DGCR2: variants seen among roughly 807,000 people sequenced by gnomAD.
DGCR2 encodes DiGeorge syndrome critical region gene 2.
In DGCR2, 24 loss-of-function variants were observed where a neutral mutation model predicts 51.6. The ratio of observed to expected loss-of-function variants is 0.47; its 90% CI spans 0.34 to 0.65. The LOEUF (loss-of-function observed/expected upper bound fraction) is 0.65. Ranked by LOEUF, DGCR2 falls within the 30% of genes least tolerant of loss-of-function variation. The pLI is 0.01. For missense variants in DGCR2, 765 were observed against 772.1 expected, an observed-to-expected ratio of 0.99 and a Z score of 0.11; for synonymous variants, 340 against 315.4, an observed-to-expected ratio of 1.08 and a Z score of -0.82.
intron 2 of DGCR2, among the ~76,000 whole-genome samples, chr22:19,086,086 T>C (rs1370178013): frequency 6.6e-6 from 1 of 152,168 alleles, no homozygotes; most frequent in Non-Finnish European, 1.5e-5. Context: ...GATTTAGCAG[T>C]CATTAATTCA....
chr22:19,063,157 G>C (rs1262927827), intron 5 of DGCR2, 45 bp downstream of exon 5: 9 of 1,571,130 alleles, frequency 5.7e-6, no homozygotes, highest in Middle Eastern at 1.7e-4. Flanking sequence ...GAATCAGGGT[G>C]ACTCTGCCCA....
At chr22:19,068,343 G>A (rs764941791) in intron 2 of DGCR2, 118 bp from the exon 3 acceptor site, 25 of 1,224,596 alleles carry the variant, frequency 2.0e-5, no homozygotes, top group Non-Finnish European at 2.6e-5. Context: ...GTAGCACAGA[G>A]TCCGGCAATG....
In DGCR2 at chr22:19,041,082, C is replaced by T. The variant is rs1226878547; in HGVS notation, c.1372G>A (p.Asp458Asn). 1.2e-6 allele frequency: 2 copies of T among 1,609,316 alleles called. No homozygotes were observed. The highest frequency in any genetic ancestry group is 2.2e-5 in the East Asian group (1 of 44,828). The change falls in exon 9 of 10, where the codon GAC becomes AAC. Residue 458 changes from aspartate to asparagine, a missense_variant. Asp to Asn is a conservative substitution (Grantham distance 23). Around this residue, in one of 3 missense-constraint regions of DGCR2, gnomAD observed 205 missense variants for 181.4 expected, o/e 1.13. Transcript: ENST00000263196. Reference sequence around the variant, plus strand: ...CCTGCAGGGTCATAGAACACACTGTCCGGGTGGATGGAGGCCTCGTAGGGC... The same window carrying T: ...CCTGCAGGGTCATAGAACACACTGTTCGGGTGGATGGAGGCCTCGTAGGGC... The part of the protein sequence containing the change: ...PPPYEASIHP[D>N]SVFYDPADDD...
At chr22:19,077,832 CTT>C (rs141485718) in intron 2 of DGCR2, among the ~76,000 whole-genome samples, 20 of 143,410 alleles carry the variant, frequency 1.4e-4, no homozygotes, top group Admixed American at 2.8e-4. Context: ...TTATTTTTGT[CTT>C]TTTTTTTTTT....
intron 5 of DGCR2, among the ~76,000 whole-genome samples, chr22:19,062,775 G>GCTGTCTCTCTCT (rs2082686000): frequency 9.2e-6 from 1 of 108,858 alleles, no homozygotes; most frequent in Non-Finnish European, 1.9e-5. Context: ...ACACATGCAT[G>GCTGTCTCTCTCT]CTCACTCTCT....
At chr22:19,100,091 C>T (rs1453493344) in intron 1 of DGCR2, among the ~76,000 whole-genome samples, 1 of 151,820 alleles carries the variant, frequency 6.6e-6, no homozygotes, top group African/African-American at 2.4e-5. Context: ...CTGGACAAGG[C>T]GAAACCCTGT....
chr22:19,085,117 A>AAC (rs1555908264), intron 2 of DGCR2, among the ~76,000 whole-genome samples: 3 of 151,890 alleles, frequency 2.0e-5, no homozygotes, highest in African/African-American at 4.8e-5. Context: ...AAAAAAAAAA[A>AAC]AAACAAAGAT....
chr22:19,091,649 T>C (rs2083080038), intron 1 of DGCR2, among the ~76,000 whole-genome samples: 1 of 152,150 alleles, frequency 6.6e-6, no homozygotes, highest in African/African-American at 2.4e-5. Context: ...TGGTGGCTCA[T>C]GCCTGTAATC....
chr22:19,043,595 G>A (rs715599), intron 7 of DGCR2, among the ~76,000 whole-genome samples: 15,417 of 152,104 alleles, frequency 0.1, 1,061 homozygotes, highest in African/African-American at 0.2. Flanking sequence ...GCTTCAAAAC[G>A]AGGAGTGACC....
chr22:19,074,250 C>A (rs910658450), intron 2 of DGCR2, among the ~76,000 whole-genome samples: 1 of 151,788 alleles, frequency 6.6e-6, no homozygotes. Context: ...CATGGTGAAA[C>A]CCTGTCTCTA....
At chr22:19,049,010 G>A (rs1355200900) in intron 6 of DGCR2, among the ~76,000 whole-genome samples, 1 of 152,218 alleles carries the variant, frequency 6.6e-6, no homozygotes, top group African/African-American at 2.4e-5. Flanking sequence ...CACAGGGAGT[G>A]GCTGTCCAAG....
chr22:19,056,177 T>C (rs1703620228), intron 6 of DGCR2, among the ~76,000 whole-genome samples: 1 of 151,812 alleles, frequency 6.6e-6, no homozygotes, highest in Non-Finnish European at 1.5e-5. Context: ...TAGCCGGGCG[T>C]GGTGGCAGGC....
intron 2 of DGCR2, among the ~76,000 whole-genome samples, chr22:19,074,651 T>C (rs993697545): frequency 6.6e-6 from 1 of 152,264 alleles, no homozygotes; most frequent in East Asian, 1.9e-4. Flanking sequence ...CCTTGAAAAT[T>C]AGAGGGGTTC....
chr22:19,062,714 C>T lies in DGCR2; in HGVS notation c.625+488G>A, dbSNP rs192927513. Among the ~76,000 whole-genome samples, 8 of 151,222 alleles carry T rather than the reference C, an allele frequency of 5.3e-5. No individual in the cohort carries two copies. The East Asian group carries it at 1.4e-3, about 26-fold the overall frequency. ...GGAAACAGCAGCCATGTTTCCTTTA[C>T]GTCGTCTTGGTATTTCCAAGCAGCT... On this transcript the variant is annotated intron_variant, in intron 5 of 9. Coordinates refer to ENST00000263196, the MANE Select transcript of DGCR2 (RefSeq NM_005137.3).
chr22:19,060,879 C>G (rs1278821671), intron 5 of DGCR2: 1 of 516,230 alleles, frequency 1.9e-6, no homozygotes, highest in Non-Finnish European at 3.9e-6. Context: ...GAGCTCCCAA[C>G]TTCAAATGTG....
chr22:19,096,719 T>C (rs2083144676), intron 1 of DGCR2, among the ~76,000 whole-genome samples: 1 of 152,146 alleles, frequency 6.6e-6, no homozygotes, highest in Admixed American at 6.6e-5. Context: ...CATTCTTTTT[T>C]ATTTTTTAGA....
rs777200484 is a variant in DGCR2 at position 19,057,389 on chromosome 22, C to T, written c.626-227G>A. Among the ~76,000 whole-genome samples the T allele has an allele frequency of 3.3e-5, 5 of 152,242 alleles. No individual in the cohort carries two copies. The highest frequency in any genetic ancestry group is 5.9e-5 in the Non-Finnish European group (4 of 68,042). On this transcript the variant is annotated intron_variant, in intron 5 of 9. Transcript: ENST00000263196. The surrounding 1 kb of genome is among the most constrained non-coding windows in gnomAD (Gnocchi z 5.1). ...CCACTCCTTGGAGCCTGCAAGCACA[C>T]AGGCCACAAACCCTGGGTAGCAGTA...
rs201526659 is a variant in DGCR2, at chr22:19,041,846, G to A, written c.1120C>T (p.Arg374Trp). 28 of 1,612,986 alleles carry A rather than the reference G, an allele frequency of 1.7e-5. No homozygotes were observed. The highest frequency in any genetic ancestry group is 4.5e-5 in the East Asian group (2 of 44,860). Residue 374 changes from arginine (R) to tryptophan (W), a missense_variant, in exon 8 of 10, where the codon CGG becomes TGG. By Grantham distance (101) the Arg-to-Trp change is moderately radical. Around this residue, in one of 3 missense-constraint regions of DGCR2, gnomAD observed 190 missense variants for 265.2 expected, o/e 0.72. Transcript: ENST00000263196. ...AGGGACTCGATGCGCTCCCGGCGCC[G>A]CTGGCGCAGCCGGTGGACCATGAAG... ...LLFMVHRLRQ[R>W]RRERIESLIG... is the part of the protein sequence containing the mutation.
At chr22:19,095,780 G>A (rs2083133635) in intron 1 of DGCR2, among the ~76,000 whole-genome samples, 1 of 150,114 alleles carries the variant, frequency 6.7e-6, no homozygotes, top group African/African-American at 2.5e-5. Flanking sequence ...TAAAAAATCA[G>A]GAAACAATTT....
Sources: allele counts gnomAD v4.1 joint callset (sites outside exome capture counted in the v4.1 genomes callset), GRCh38; gene constraint gnomAD v4.1.1; regional missense constraint gnomAD v4.1.1; non-coding constraint Gnocchi (gnomAD v3.1); transcripts MANE v1.5; gene names NCBI Gene and HGNC (gene_info 2026-07-23, HGNC 2026-07-21).